Variants in ANKRD27 observed in about 807,000 individuals in gnomAD.
The protein encoded by ANKRD27 is ankyrin repeat domain-containing protein 27.
A neutral mutation model predicts 129.7 loss-of-function variants in ANKRD27; 112 were observed. The ratio of observed to expected loss-of-function variants is 0.86; its 90% CI spans 0.74 to 1.01. The LOEUF is 1.01. Among genes scored for constraint, ANKRD27 ranks in the 50% least tolerant of loss-of-function variants. The pLI is 0.00. For missense variants in ANKRD27, 1,258 were observed against 1,300.5 expected, an observed-to-expected ratio of 0.97 and a Z score of 0.50; for synonymous variants, 516 against 511.2, an observed-to-expected ratio of 1.01 and a Z score of -0.13.
Position 32,597,352 on chromosome 19 carries a change from AAG to A in ANKRD27, c.*791_*792del, listed in dbSNP as rs1237687749. On this transcript the variant is annotated 3_prime_UTR_variant, in exon 29 of 29. Transcript: ENST00000306065. The stretch of plus-strand genomic sequence containing the variant: ...AGTTTTGAATTTGAATCAAAAGACT[AAG>A]AAAAGATGTGCCAAATCTACTCTCT... 14 of 152,662 alleles carry A rather than the reference AAG, an allele frequency of 9.2e-5. No individual in the cohort carries two copies. Among genetic ancestry groups the A allele is most frequent in the African/African-American group, 3.4e-4 (14 of 41,462 alleles). The allele number at this position is 152,662 out of a possible 1,614,324, so 9.5% of individuals were successfully genotyped here.
At chr19:32,598,419 G>T in intron 28 of ANKRD27, 41 bp from the exon 29 acceptor site, 1 of 1,591,282 alleles carries the variant, frequency 6.3e-7, no homozygotes. Flanking sequence ...CGTCCTCACT[G>T]TACTGGAAGC....
rs1371477338 is a variant in ANKRD27, at chr19:32,597,405, T to C, written c.*740A>G. 1 of 152,632 alleles carries C rather than the reference T, an allele frequency of 6.6e-6. No homozygotes were observed. Among genetic ancestry groups the C allele is most frequent in the Non-Finnish European group, 1.5e-5 (1 of 68,060 alleles). 9.5% of individuals were successfully genotyped at this position (152,632 alleles called of 1,614,324 possible). A position where few individuals can be genotyped will look rare whatever the true frequency, so the allele number is the denominator to read the frequency against. ...AATCCAGTAACCATCCCGTCAGGTG[T>C]GAGTGTGACAGACATTCAAGGGAGG... On this transcript the variant is annotated 3_prime_UTR_variant, in exon 29 of 29. Coordinates refer to ENST00000306065, the MANE Select transcript of ANKRD27 (RefSeq NM_032139.3).
intron 16 of ANKRD27, among the ~76,000 whole-genome samples, chr19:32,626,418 C>T (rs1165485121): frequency 1.3e-5 from 2 of 152,062 alleles, no homozygotes; most frequent in African/African-American, 4.8e-5. Context: ...AAGCGATCCT[C>T]CTGCTTTGGG....
chr19:32,625,982 A>T lies in ANKRD27; in HGVS notation c.1537-16T>A. ...GCAGCAGCAGCTGCGGAGATAAAGG[A>T]AAGCGATGAGCAGGGCACAGCCGGC... On this transcript the variant is annotated splice_polypyrimidine_tract_variant and intron_variant, in intron 16 of 28. Transcript: ENST00000306065. 6.3e-7 allele frequency: 1 copy of T among 1,593,796 alleles called. No individual in the cohort carries two copies. Among genetic ancestry groups the T allele is most frequent in the Non-Finnish European group, 8.5e-7 (1 of 1,173,084 alleles).
chr19:32,608,537 G>C, intron 22 of ANKRD27: 1 of 195,382 alleles, frequency 5.1e-6, no homozygotes, highest in Non-Finnish European at 1.1e-5. Context: ...TAAATTAAAG[G>C]CTGAATTTTA....
At chr19:32,671,764 G>A (rs2145332206) in intron 1 of ANKRD27, among the ~76,000 whole-genome samples, 1 of 152,326 alleles carries the variant, frequency 6.6e-6, no homozygotes, top group African/African-American at 2.4e-5. Flanking sequence ...ACTTTTTCTT[G>A]TAAAACTGGA....
At chr19:32,627,300 G>A (rs1966901442) in intron 15 of ANKRD27, among the ~76,000 whole-genome samples, 1 of 152,106 alleles carries the variant, frequency 6.6e-6, no homozygotes, top group African/African-American at 2.4e-5. Flanking sequence ...CGATCTCTGG[G>A]AGACAGGGAT....
At chr19:32,672,561 G>A (rs934757142) in intron 1 of ANKRD27, among the ~76,000 whole-genome samples, 1 of 152,146 alleles carries the variant, frequency 6.6e-6, no homozygotes, top group African/African-American at 2.4e-5. Context: ...GCTAACCCCA[G>A]GTCATAGCCA....
Position 32,623,271 on chromosome 19 carries a change from G to T in ANKRD27, c.1630-652C>A, listed in dbSNP as rs542958041. Reference sequence around the variant, plus strand: ...AAACATTCTATGGGTGCCTGGATGTGGGGAGTGTTCCCAAAATTCCCTAAC... The same window carrying T: ...AAACATTCTATGGGTGCCTGGATGTTGGGAGTGTTCCCAAAATTCCCTAAC... On this transcript the variant is annotated intron_variant, in intron 17 of 28. Coordinates refer to ENST00000306065, the MANE Select transcript of ANKRD27 (RefSeq NM_032139.3). 1.4e-4 allele frequency among the ~76,000 whole-genome samples: 21 copies of T among 152,272 alleles called. No homozygotes were observed. The East Asian group carries it at 4.1e-3, about 29-fold the overall frequency.
chr19:32,598,042 CA>C lies in ANKRD27; in HGVS notation c.*102del, dbSNP rs897582168. 7.2e-6 allele frequency: 8 copies of C among 1,104,010 alleles called. No homozygotes were observed. In the African/African-American group the frequency reaches 9.2e-5, roughly 13 times the overall value. The allele number at this position is 1,104,010 out of a possible 1,614,324, so 68.4% of individuals were successfully genotyped here. On this transcript the variant is annotated 3_prime_UTR_variant, in exon 29 of 29. Coordinates refer to ENST00000306065, the MANE Select transcript of ANKRD27 (RefSeq NM_032139.3). ...ACTTGGTGCTGAAGACTTCTCAAGC[CA>C]GTCTCATGGAAGCACATTTAGTTCT...
At chr19:32,638,012 C>G (rs1433078364) in intron 12 of ANKRD27, 1 of 152,316 alleles carries the variant, frequency 6.6e-6, no homozygotes, top group Non-Finnish European at 1.5e-5. Flanking sequence ...GCACAAACAG[C>G]CTGGATGCAC....
chr19:32,660,668 T>G (rs772643181), intron 1 of ANKRD27, among the ~76,000 whole-genome samples: 3 of 152,164 alleles, frequency 2.0e-5, no homozygotes, highest in Non-Finnish European at 4.4e-5. Flanking sequence ...CCTCCAGAAC[T>G]GTGAGAAACA....
Position 32,628,144 on chromosome 19 carries a change from A to AAAT in ANKRD27, c.1358_1359insATT (p.Val453_Val454insPhe). The AAAT allele has an allele frequency of 6.2e-7, 1 of 1,614,208 alleles. No homozygotes were observed. Among genetic ancestry groups the AAAT allele is most frequent in the Non-Finnish European group, 8.5e-7 (1 of 1,180,002 alleles). ...TGTCGTCTCTGGAGAATGGAGTGAC[A>AAAT]ACTGAGGGATCATTCAACCTCCTAA... On this transcript the variant is annotated inframe_insertion, in exon 15 of 29. Coordinates refer to ENST00000306065, the MANE Select transcript of ANKRD27 (RefSeq NM_032139.3).
At chr19:32,600,302 G>A in intron 26 of ANKRD27, 1 of 323,524 alleles carries the variant, frequency 3.1e-6, no homozygotes, top group Non-Finnish European at 6.0e-6. Context: ...CAGTTTGGGA[G>A]GCCGAGGTGG....
intron 4 of ANKRD27, among the ~76,000 whole-genome samples, chr19:32,645,258 A>G (rs1478532704): frequency 6.6e-6 from 1 of 152,052 alleles, no homozygotes; most frequent in Non-Finnish European, 1.5e-5. Flanking sequence ...CTAAAAATAA[A>G]AAAATTAGCT....
intron 3 of ANKRD27, among the ~76,000 whole-genome samples, chr19:32,649,284 CT>C (rs1314104065): frequency 6.6e-6 from 1 of 152,090 alleles, no homozygotes; most frequent in Non-Finnish European, 1.5e-5. Context: ...AAACAAAAAG[CT>C]TTTAAAAACT....
intron 1 of ANKRD27, among the ~76,000 whole-genome samples, chr19:32,669,594 A>G (rs1406225215): frequency 1.3e-5 from 2 of 152,242 alleles, no homozygotes; most frequent in Non-Finnish European, 2.9e-5. Flanking sequence ...CTGCTTCAGA[A>G]AAGATGCTGG....
chr19:32,597,210 C>T lies in ANKRD27; in HGVS notation c.*935G>A, dbSNP rs184965641. ...AACGGACTCAGGACAAACCCATATA[C>T]GTGTAGCTCTAGGCCAATAACATAA... On this transcript the variant is annotated 3_prime_UTR_variant, in exon 29 of 29. Transcript: ENST00000306065. The T allele has an allele frequency of 1.4e-5, 2 of 140,518 alleles. No homozygotes were observed. Among genetic ancestry groups the T allele is most frequent in the Non-Finnish European group, 3.2e-5 (2 of 62,910 alleles). 8.7% of individuals were successfully genotyped at this position (140,518 alleles called of 1,614,324 possible). A position where few individuals can be genotyped will look rare whatever the true frequency, so the allele number is the denominator to read the frequency against.
intron 20 of ANKRD27, among the ~76,000 whole-genome samples, chr19:32,618,102 G>A (rs559327695): frequency 1.3e-4 from 19 of 151,724 alleles, no homozygotes; most frequent in African/African-American, 4.1e-4. Flanking sequence ...CTCAGGGAGG[G>A]CATCCTAGGA....
Sources: allele counts gnomAD v4.1 joint callset (sites outside exome capture counted in the v4.1 genomes callset), GRCh38; gene constraint gnomAD v4.1.1; transcripts MANE v1.5; gene names NCBI Gene and HGNC (gene_info 2026-07-23, HGNC 2026-07-21).